The following ATXN7L1 variants were observed in gnomAD, a reference collection of about 807,000 sequenced individuals.
The protein encoded by ATXN7L1 is ataxin-7-like protein 1.
A neutral mutation model predicts 70.8 loss-of-function variants in ATXN7L1; 15 were observed. The observed-to-expected ratio is 0.21, with a 90% CI of 0.14 to 0.33. The LOEUF is 0.33. ATXN7L1 is among the 10% of genes least tolerant of loss of function. The pLI, the probability that ATXN7L1 is intolerant of heterozygous loss-of-function variation, is 1.00. For synonymous variants in ATXN7L1, 440 were observed against 445.1 expected, an observed-to-expected ratio of 0.99 and a Z score of 0.14; for missense variants, 975 against 1,097.1, an observed-to-expected ratio of 0.89 and a Z score of 1.57.
intron 2 of ATXN7L1, among the ~76,000 whole-genome samples, chr7:105,833,522 G>T (rs1811938134): frequency 6.6e-6 from 1 of 152,180 alleles, no homozygotes. Context: ...CCATTGCACA[G>T]ATATAGACAT....
chr7:105,645,315 A>G (rs1213048104), intron 4 of ATXN7L1, among the ~76,000 whole-genome samples: 1 of 152,234 alleles, frequency 6.6e-6, no homozygotes. Flanking sequence ...AAAAAATGCA[A>G]ATTACAAAAC....
At chr7:105,676,868 C>T (rs1804748108) in intron 3 of ATXN7L1, among the ~76,000 whole-genome samples, 1 of 151,906 alleles carries the variant, frequency 6.6e-6, no homozygotes, top group South Asian at 2.1e-4. Flanking sequence ...AAAAAACCCC[C>T]CAAAACAAAC....
chr7:105,753,170 G>T (rs1584923389), intron 3 of ATXN7L1, among the ~76,000 whole-genome samples: 4 of 152,234 alleles, frequency 2.6e-5, no homozygotes, highest in Admixed American at 2.0e-4. Flanking sequence ...GGCTGAAGGA[G>T]AAGCCACTGG....
chr7:105,761,891 T>C (rs1416327650), intron 3 of ATXN7L1, among the ~76,000 whole-genome samples: 1 of 152,254 alleles, frequency 6.6e-6, no homozygotes, highest in Admixed American at 6.5e-5. Flanking sequence ...ATCCAAGTTA[T>C]TAGCTATCTC....
intron 4 of ATXN7L1, among the ~76,000 whole-genome samples, 184 bp downstream of exon 4, chr7:105,664,882 C>T (rs1406431280): frequency 6.6e-6 from 1 of 152,076 alleles, no homozygotes; most frequent in Non-Finnish European, 1.5e-5. Flanking sequence ...TAAGGTCCCA[C>T]ATGCCCTCTA....
chr7:105,762,510 T>C (rs1584945402), intron 3 of ATXN7L1, among the ~76,000 whole-genome samples: 1 of 152,158 alleles, frequency 6.6e-6, no homozygotes, highest in African/African-American at 2.4e-5. Context: ...ACAACCCCTA[T>C]AGGATGGTAG....
intron 4 of ATXN7L1, among the ~76,000 whole-genome samples, chr7:105,648,662 A>G (rs1278774484): frequency 6.6e-6 from 1 of 152,060 alleles, no homozygotes; most frequent in Non-Finnish European, 1.5e-5. Flanking sequence ...GTGCAGTCAC[A>G]GGGAAGCCAG....
chr7:105,789,867 T>G (rs1057263954), intron 2 of ATXN7L1, among the ~76,000 whole-genome samples: 2 of 150,948 alleles, frequency 1.3e-5, no homozygotes, highest in Non-Finnish European at 3.0e-5. Flanking sequence ...TGTACATGGA[T>G]GTTCACAGCA....
intron 3 of ATXN7L1, among the ~76,000 whole-genome samples, chr7:105,676,645 GC>G (rs1804690640): frequency 1.3e-5 from 2 of 152,264 alleles, no homozygotes; most frequent in South Asian, 4.1e-4. Context: ...TTCAAGACCA[GC>G]CTGGCCCACA....
intron 2 of ATXN7L1, among the ~76,000 whole-genome samples, chr7:105,803,154 A>G (rs569533694): frequency 1.3e-5 from 2 of 152,256 alleles, no homozygotes; most frequent in Non-Finnish European, 2.9e-5. Flanking sequence ...GACTCAATGC[A>G]ACACACGGGC....
rs370153690 is a variant in ATXN7L1, at chr7:105,851,553, G to C, written c.250+24259C>G. Among the ~76,000 whole-genome samples, 16 of 152,340 alleles carry C rather than the reference G, an allele frequency of 1.1e-4. No individual in the cohort carries two copies. In the South Asian group the frequency reaches 3.3e-3, roughly 32 times the overall value. On this transcript the variant is annotated intron_variant, in intron 2 of 11. Transcript: ENST00000419735. ...AAACAGGGAGGACTCTTCCTCAGGA[G>C]ATTTGCATGTATCACAAACCCTAAC... is the stretch of plus-strand genomic sequence containing the variant.
At chr7:105,729,030 G>A (rs1046184864) in intron 3 of ATXN7L1, among the ~76,000 whole-genome samples, 9 of 152,134 alleles carry the variant, frequency 5.9e-5, no homozygotes, top group Admixed American at 6.6e-5. Flanking sequence ...TTGGGAGGCC[G>A]AGATGGAAGG....
chr7:105,767,121 C>A (rs567973700), intron 3 of ATXN7L1, among the ~76,000 whole-genome samples: 1 of 152,276 alleles, frequency 6.6e-6, no homozygotes, highest in South Asian at 2.1e-4. Context: ...AGGGGAATGA[C>A]TCCAGAGCAG....
At chr7:105,672,555 T>C (rs1562984805) in intron 3 of ATXN7L1, among the ~76,000 whole-genome samples, 2 of 152,238 alleles carry the variant, frequency 1.3e-5, no homozygotes, top group Non-Finnish European at 1.5e-5. Context: ...TTAGAATTAT[T>C]TCCTTGAGGT....
intron 4 of ATXN7L1, among the ~76,000 whole-genome samples, chr7:105,663,360 G>A (rs1056956382): frequency 6.6e-6 from 1 of 152,160 alleles, no homozygotes; most frequent in Non-Finnish European, 1.5e-5. Context: ...CATCACAAGA[G>A]GCTCTGTAAT....
At chr7:105,759,470 G>GTC in intron 3 of ATXN7L1, among the ~76,000 whole-genome samples, 1 of 110,368 alleles carries the variant, frequency 9.1e-6, no homozygotes, top group African/African-American at 4.7e-5. Context: ...GTGTGTGTGT[G>GTC]TGTGTGTGTG....
intron 4 of ATXN7L1, among the ~76,000 whole-genome samples, chr7:105,655,907 C>G (rs1474255817): frequency 3.3e-5 from 5 of 152,254 alleles, no homozygotes; most frequent in African/African-American, 1.2e-4. Flanking sequence ...GGCCAGGGAG[C>G]CTGCTGATTT....
At chr7:105,696,164 C>T (rs1425072439) in intron 3 of ATXN7L1, among the ~76,000 whole-genome samples, 3 of 152,146 alleles carry the variant, frequency 2.0e-5, no homozygotes, top group African/African-American at 7.2e-5. Flanking sequence ...GTGGACTTCA[C>T]GTTGACTGTT....
intron 4 of ATXN7L1, chr7:105,649,621 G>T (rs1042809012): frequency 2.0e-6 from 2 of 977,986 alleles, no homozygotes; most frequent in African/African-American, 1.7e-5. Context: ...CCAATGTGCC[G>T]CAGGGCCAGC....
Sources: gnomAD v4.1 joint callset for allele counts (sites outside exome capture counted in the v4.1 genomes callset) on GRCh38, gnomAD v4.1.1 for gene constraint, MANE v1.5 for transcripts, NCBI Gene and HGNC (gene_info 2026-07-23, HGNC 2026-07-21) for gene names.